CRPPA: variants seen among roughly 807,000 people sequenced by gnomAD.
CRPPA encodes CDP-L-ribitol pyrophosphorylase A.
Under a neutral mutation model 52.0 loss-of-function variants are expected in CRPPA, and 43 were observed. That is an observed-to-expected ratio of 0.83 (90% CI 0.65 to 1.07). The LOEUF is 1.07. CRPPA is among the 50% of genes least tolerant of loss of function. The pLI is 0.00. For missense variants in CRPPA, 629 were observed against 551.7 expected (o/e 1.14, Z -1.40); for synonymous variants, 250 against 203.5 (o/e 1.23, Z -1.94).
intron 3 of CRPPA, among the ~76,000 whole-genome samples, chr7:16,368,358 G>A (rs541980851): frequency 2.6e-5 from 4 of 152,130 alleles, no homozygotes; most frequent in African/African-American, 9.7e-5. Context: ...TCTCAAGGAT[G>A]AAATAGTTTT....
chr7:16,241,943 ATTCT>A (rs1347484577), intron 8 of CRPPA, among the ~76,000 whole-genome samples: 8 of 66,480 alleles, frequency 1.2e-4, no homozygotes, highest in African/African-American at 4.3e-4. Context: ...TTAAAAATCT[ATTCT>A]TTTTTTTTTT....
At chr7:16,116,424 G>A (rs1416849187) in intron 9 of CRPPA, among the ~76,000 whole-genome samples, 2 of 152,114 alleles carry the variant, frequency 1.3e-5, no homozygotes, top group Non-Finnish European at 2.9e-5. Flanking sequence ...CAGCAATTTA[G>A]GAGGCCTAGG....
At chr7:16,348,894 C>T (rs1196503727) in intron 3 of CRPPA, among the ~76,000 whole-genome samples, 1 of 152,186 alleles carries the variant, frequency 6.6e-6, no homozygotes, top group Non-Finnish European at 1.5e-5. Context: ...GGACTGTCTC[C>T]TTAACAACCT....
At chr7:16,141,351 A>C (rs1056381958) in intron 9 of CRPPA, among the ~76,000 whole-genome samples, 6 of 152,206 alleles carry the variant, frequency 3.9e-5, no homozygotes, top group Admixed American at 2.6e-4. Flanking sequence ...TCAGCATCTG[A>C]TTTGTATATA....
intron 9 of CRPPA, among the ~76,000 whole-genome samples, chr7:16,096,024 T>G (rs192786061): frequency 6.6e-6 from 1 of 152,264 alleles, no homozygotes; most frequent in Admixed American, 6.5e-5. Context: ...TGAACACCCA[T>G]GGCTTTCAGC....
At chr7:16,216,303 T>G in intron 8 of CRPPA, 106 bp from the exon 9 acceptor site, 1 of 637,724 alleles carries the variant, frequency 1.6e-6, no homozygotes, top group Non-Finnish European at 2.6e-6. Context: ...AATATTGCAA[T>G]AATCTTTATT....
At chr7:16,274,327 G>A (rs965639743) in intron 6 of CRPPA, among the ~76,000 whole-genome samples, 19 of 152,138 alleles carry the variant, frequency 1.2e-4, no homozygotes, top group Non-Finnish European at 1.9e-4. Flanking sequence ...GATTACGGAC[G>A]TGAGCCACCA....
chr7:16,256,744 C>G (rs1013374288), intron 8 of CRPPA, among the ~76,000 whole-genome samples: 11 of 151,992 alleles, frequency 7.2e-5, no homozygotes, highest in African/African-American at 2.2e-4. Context: ...AGGGGAACAT[C>G]ACACACTGGG....
chr7:16,235,936 A>G (rs1782939521), intron 8 of CRPPA: 1 of 152,102 alleles, frequency 6.6e-6, no homozygotes, highest in South Asian at 2.1e-4. Flanking sequence ...GGGATCATTC[A>G]TTTTAAAAGA....
At chr7:16,200,088 C>T (rs1285461259) in intron 9 of CRPPA, among the ~76,000 whole-genome samples, 1 of 152,050 alleles carries the variant, frequency 6.6e-6, no homozygotes, top group South Asian at 2.1e-4. Context: ...AAACTCCTAA[C>T]CTCAGGTGAT....
At chr7:16,247,257 G>C (rs1409447026) in intron 8 of CRPPA, among the ~76,000 whole-genome samples, 1 of 152,166 alleles carries the variant, frequency 6.6e-6, no homozygotes, top group Non-Finnish European at 1.5e-5. Flanking sequence ...AAGGGAATTA[G>C]GGCCTTCCTC....
chr7:16,099,731 A>G (rs890166763), intron 9 of CRPPA, among the ~76,000 whole-genome samples: 8 of 152,348 alleles, frequency 5.3e-5, no homozygotes, highest in Non-Finnish European at 7.3e-5. Context: ...CAATATTTCT[A>G]GATCTGGGAC....
intron 5 of CRPPA, among the ~76,000 whole-genome samples, chr7:16,287,084 T>C (rs528091634): frequency 2.7e-4 from 41 of 152,274 alleles, no homozygotes; most frequent in African/African-American, 9.9e-4. Context: ...GGTAGATACT[T>C]TTATATATTT....
intron 9 of CRPPA, among the ~76,000 whole-genome samples, chr7:16,202,033 A>G (rs1175309133): frequency 6.6e-6 from 1 of 152,220 alleles, no homozygotes; most frequent in South Asian, 2.1e-4. Context: ...CCAAGACATT[A>G]TAATTTGCTA....
intron 6 of CRPPA, among the ~76,000 whole-genome samples, chr7:16,268,089 C>T (rs937425992): frequency 6.6e-6 from 1 of 151,972 alleles, no homozygotes; most frequent in Non-Finnish European, 1.5e-5. Flanking sequence ...TAATTGCAGC[C>T]TGTTTCCATA....
intron 3 of CRPPA, among the ~76,000 whole-genome samples, chr7:16,324,859 C>T (rs764644837): frequency 6.6e-6 from 1 of 152,156 alleles, no homozygotes; most frequent in Admixed American, 6.5e-5. Context: ...AGATAATGTA[C>T]TTGTAATGTT....
intron 8 of CRPPA, among the ~76,000 whole-genome samples, chr7:16,251,893 G>C (rs1485764844): frequency 6.6e-6 from 1 of 152,094 alleles, no homozygotes; most frequent in Non-Finnish European, 1.5e-5. Context: ...AGAACTGAAG[G>C]AGATAGAGAC....
At chr7:16,364,112 A>G (rs1313210337) in intron 3 of CRPPA, among the ~76,000 whole-genome samples, 1 of 152,216 alleles carries the variant, frequency 6.6e-6, no homozygotes, top group African/African-American at 2.4e-5. Context: ...TACTGAGGGT[A>G]GAAAATAATT....
intron 2 of CRPPA, among the ~76,000 whole-genome samples, chr7:16,403,212 C>T (rs776344542): frequency 2.8e-4 from 43 of 152,124 alleles, no homozygotes; most frequent in Non-Finnish European, 5.4e-4. Flanking sequence ...ACAGAAATAA[C>T]CCTGATGGAA....
Sources: gnomAD v4.1 joint callset for allele counts (sites outside exome capture counted in the v4.1 genomes callset) on GRCh38, gnomAD v4.1.1 for gene constraint, MANE v1.5 for transcripts, NCBI Gene and HGNC (gene_info 2026-07-23, HGNC 2026-07-21) for gene names.